PPP6R3: variants seen among roughly 807,000 people sequenced by gnomAD.
The protein encoded by PPP6R3 is protein phosphatase 6 regulatory subunit 3, also known as serine/threonine-protein phosphatase 6 regulatory subunit 3.
Under a neutral mutation model 110.7 loss-of-function variants are expected in PPP6R3, and 38 were observed. The observed-to-expected ratio is 0.34, with a 90% CI of 0.26 to 0.45. PPP6R3 has a LOEUF of 0.45. Ranked by LOEUF, PPP6R3 falls within the 20% of genes least tolerant of loss-of-function variation. The probability of loss-of-function intolerance (pLI) is 1.00; values close to 1 mark genes in which losing one functional copy is unlikely to be tolerated. For missense variants in PPP6R3, 870 were observed against 1,062.4 expected (o/e 0.82, Z 2.52); for synonymous variants, 369 against 373.5 (o/e 0.99, Z 0.14).
intron 20 of PPP6R3, 143 bp downstream of exon 20, chr11:68,600,637 AAC>A (rs1186014239): frequency 4.5e-6 from 4 of 897,658 alleles, no homozygotes; most frequent in Non-Finnish European, 6.5e-6. Context: ...TCAGCATACT[AAC>A]ACAGCTCTGT....
intron 2 of PPP6R3, among the ~76,000 whole-genome samples, chr11:68,534,196 G>A (rs576248180): frequency 8.2e-4 from 125 of 152,308 alleles, no homozygotes; most frequent in African/African-American, 2.7e-3. Context: ...CGCAAGGGCT[G>A]TGGGGTAGAC....
chr11:68,610,064 G>T, intron 23 of PPP6R3, 41 bp downstream of exon 23: 1 of 1,603,264 alleles, frequency 6.2e-7, no homozygotes, highest in South Asian at 1.1e-5. Flanking sequence ...GCCCTGCCCT[G>T]ACCTTGCCTG....
At position 68,483,569 on chromosome 11, in the gene PPP6R3, G is replaced by A. The variant is rs144084245; in HGVS notation, c.-158+22742G>A. ...GTGATCTCGGCTCATTGTAACCTCC[G>A]CCTCTCAGGTTCGAGTTATTCCCCT... is the stretch of plus-strand genomic sequence containing the variant. On this transcript the variant is annotated intron_variant, in intron 1 of 23. Transcript: ENST00000393800. Among the ~76,000 whole-genome samples, 424 of 149,270 alleles carry A rather than the reference G, an allele frequency of 2.8e-3. 1 individual carries two copies. The highest frequency in any genetic ancestry group is 1.0e-2 in the African/African-American group (404 of 40,486).
At chr11:68,512,864 T>C (rs2153540710) in intron 1 of PPP6R3, among the ~76,000 whole-genome samples, 1 of 152,318 alleles carries the variant, frequency 6.6e-6, no homozygotes, top group Non-Finnish European at 1.5e-5. Flanking sequence ...TGCTTGTCCA[T>C]TCCTGTTATT....
At chr11:68,612,903 G>C (rs1944291824) in intron 23 of PPP6R3, 163 bp from the exon 24 acceptor site, 3 of 1,359,780 alleles carry the variant, frequency 2.2e-6, no homozygotes, top group Non-Finnish European at 2.0e-6. Flanking sequence ...GATTTTTCTA[G>C]AGCTTTTGCT....
chr11:68,488,004 C>T (rs1029284817), intron 1 of PPP6R3, among the ~76,000 whole-genome samples: 1 of 152,190 alleles, frequency 6.6e-6, no homozygotes, highest in Non-Finnish European at 1.5e-5. Context: ...TTCTCCCTTG[C>T]AGTTCTATCA....
At chr11:68,499,649 G>T (rs1354703387) in intron 1 of PPP6R3, among the ~76,000 whole-genome samples, 1 of 152,106 alleles carries the variant, frequency 6.6e-6, no homozygotes. Context: ...GCTCACTGCA[G>T]CCTTGACCTT....
At chr11:68,502,717 G>C (rs1016191165) in intron 1 of PPP6R3, among the ~76,000 whole-genome samples, 8 of 152,158 alleles carry the variant, frequency 5.3e-5, no homozygotes, top group Admixed American at 2.6e-4. Context: ...TCACAACTAG[G>C]GTGTGCCTTT....
At position 68,614,468 on chromosome 11, in the gene PPP6R3, T is replaced by C; in HGVS notation, c.*1351T>C. 1 of 1,378,520 alleles carries C rather than the reference T, an allele frequency of 7.3e-7. No individual in the cohort carries two copies. Among genetic ancestry groups the C allele is most frequent in the Non-Finnish European group, 9.3e-7 (1 of 1,070,514 alleles). 85.4% of individuals were successfully genotyped at this position (1,378,520 alleles called of 1,614,324 possible). On this transcript the variant is annotated 3_prime_UTR_variant, in exon 24 of 24. Transcript: ENST00000393800. The stretch of plus-strand genomic sequence containing the variant: ...TCACGTATTTTTACATCATTTGTTT[T>C]TCCTGACCAGTATTTAAAACCAAAA...
At chr11:68,582,660 T>C (rs2099563387) in intron 14 of PPP6R3, among the ~76,000 whole-genome samples, 1 of 152,290 alleles carries the variant, frequency 6.6e-6, no homozygotes, top group African/African-American at 2.4e-5. Flanking sequence ...AGTTGGACCC[T>C]GCAGGCCCCG....
chr11:68,477,741 A>AAATATAT lies in PPP6R3; in HGVS notation c.-158+16915_-158+16916insATATATA. Among the ~76,000 whole-genome samples, 436 of 57,876 alleles carry AAATATAT rather than the reference A, an allele frequency of 7.5e-3. 2 individuals carry two copies. The highest frequency in any genetic ancestry group is 0.011 in the Non-Finnish European group (343 of 30,044). 38.0% of individuals were successfully genotyped at this position (57,876 alleles called of 152,430 possible). On this transcript the variant is annotated intron_variant, in intron 1 of 23. Transcript: ENST00000393800. ...GACATTGTCTCTTAAAAAAAAAAAAAATATATATATATATATATATATATA... is the reference window on the plus strand; with the variant it reads ...GACATTGTCTCTTAAAAAAAAAAAAAAATATATATATATATATATATATATATATATA...
At chr11:68,545,104 A>G in intron 4 of PPP6R3, 80 bp downstream of exon 4, 2 of 1,160,622 alleles carry the variant, frequency 1.7e-6, no homozygotes, top group South Asian at 3.8e-5. Flanking sequence ...TTGCTTTAAG[A>G]GTTCTAACTT....
intron 15 of PPP6R3, among the ~76,000 whole-genome samples, chr11:68,583,930 T>TA (rs2099570270): frequency 6.6e-6 from 1 of 152,212 alleles, no homozygotes; most frequent in Non-Finnish European, 1.5e-5. Flanking sequence ...TTCTTTTTTT[T>TA]AGTCTCTAAG....
rs75460571 is a variant in PPP6R3 at position 68,583,792 on chromosome 11, A to G, written c.1632+663A>G. 7.2e-3 allele frequency among the ~76,000 whole-genome samples: 1,095 copies of G among 152,340 alleles called. 14 individuals carry two copies. Among genetic ancestry groups the G allele is most frequent in the African/African-American group, 0.025 (1,040 of 41,582 alleles). ...AAAAACAGAAGCCCTTTTGCAGGCT[A>G]TCAGCTTTTCATATGGAGAAGTTGT... On this transcript the variant is annotated intron_variant, in intron 15 of 23. Coordinates refer to ENST00000393800, the MANE Select transcript of PPP6R3 (RefSeq NM_001164161.2).
At chr11:68,477,354 T>C (rs1414034751) in intron 1 of PPP6R3, among the ~76,000 whole-genome samples, 1 of 152,114 alleles carries the variant, frequency 6.6e-6, no homozygotes, top group African/African-American at 2.4e-5. Context: ...CCATTGTAAG[T>C]TGAGGAGCAT....
At chr11:68,610,752 A>C (rs75322700) in intron 23 of PPP6R3, among the ~76,000 whole-genome samples, 2 of 152,126 alleles carry the variant, frequency 1.3e-5, no homozygotes, top group African/African-American at 4.8e-5. Flanking sequence ...CCCACAATCA[A>C]CTTCTGTGAA....
At chr11:68,584,245 T>TA (rs775964297) in intron 15 of PPP6R3, among the ~76,000 whole-genome samples, 2 of 152,182 alleles carry the variant, frequency 1.3e-5, no homozygotes, top group Admixed American at 6.5e-5. Context: ...GGCTTGCTAT[T>TA]AGGCTGCACG....
At chr11:68,545,338 TAAC>T (rs2099345240) in intron 4 of PPP6R3, among the ~76,000 whole-genome samples, 1 of 152,248 alleles carries the variant, frequency 6.6e-6, no homozygotes, top group African/African-American at 2.4e-5. Context: ...GCAAGTATAA[TAAC>T]TAAGCAGTTG....
chr11:68,566,753 A>G (rs1413307056), intron 9 of PPP6R3, among the ~76,000 whole-genome samples: 2 of 152,158 alleles, frequency 1.3e-5, no homozygotes, highest in African/African-American at 4.8e-5. Context: ...TTCTCATAAC[A>G]GCTTGGAATG....
Sources: allele counts gnomAD v4.1 joint callset (sites outside exome capture counted in the v4.1 genomes callset), GRCh38; gene constraint gnomAD v4.1.1; transcripts MANE v1.5; gene names NCBI Gene and HGNC (gene_info 2026-07-23, HGNC 2026-07-21).